Variants in NEB observed in about 807,000 individuals in gnomAD.
NEB encodes nemaline myopathy type 2.
In NEB, 512 loss-of-function variants were observed where a neutral mutation model predicts 952.2. That is an observed-to-expected ratio of 0.54 (90% CI 0.50 to 0.58). The LOEUF (loss-of-function observed/expected upper bound fraction) is 0.58, where lower values mean the gene tolerates loss of function less well. Ranked by LOEUF, NEB falls within the 20% of genes least tolerant of loss-of-function variation. The pLI is 0.00. For missense variants in NEB, 8,428 were observed against 9,231.1 expected (o/e 0.91, Z 3.56); for synonymous variants, 2,900 against 3,149.8 (o/e 0.92, Z 2.66).
chr2:151,655,315 T>G lies in NEB; in HGVS notation c.6762A>C (p.Thr2254=), dbSNP rs563192073. The G allele has an allele frequency of 2.5e-6, 4 of 1,601,436 alleles. No individual in the cohort carries two copies. In the South Asian group the frequency reaches 4.4e-5, roughly 18 times the overall value. Residue 2254 remains threonine (T), a synonymous_variant, in exon 51 of 182, where the codon ACA becomes ACC. Coordinates refer to ENST00000397345, the MANE Select transcript of NEB (RefSeq NM_001164508.2). The part of the protein sequence containing the change: ...DKTKIHVMPD[T]PDILQAKQNQ... ...TCTGCTTGGCTTGTAAAATATCTGG[T>G]GTATCAGGCATCACATGAATCTTGG...
intron 160 of NEB, 24 bp from the exon 161 acceptor site, chr2:151,512,861 G>C: frequency 6.6e-7 from 1 of 1,522,588 alleles, no homozygotes; most frequent in Non-Finnish European, 9.1e-7. Flanking sequence ...CCGAATAGTT[G>C]GGTAAATGTT....
Position 151,617,367 on chromosome 2 carries a change from A to G in NEB, c.11178T>C (p.Ser3726=). Reference sequence around the variant, plus strand: ...ACAAGATCAACAGTTTACTTACATCACTGTAGTTTATTCGGTTGAGTTTGG... The same window carrying G: ...ACAAGATCAACAGTTTACTTACATCGCTGTAGTTTATTCGGTTGAGTTTGG... ...MLAKLNRINY[S]DKLYKLALEE... is the part of the protein sequence containing the mutation. Residue 3726 remains serine, a synonymous_variant, in exon 75 of 182, where the codon AGT becomes AGC. Transcript: ENST00000397345. The G allele has an allele frequency of 6.5e-7, 1 of 1,543,428 alleles. No homozygotes were observed. Among genetic ancestry groups the G allele is most frequent in the Non-Finnish European group, 8.8e-7 (1 of 1,135,212 alleles).
intron 106 of NEB, 36 bp from the exon 107 acceptor site, chr2:151,575,835 C>T: frequency 7.2e-7 from 1 of 1,392,742 alleles, no homozygotes; most frequent in Admixed American, 1.7e-5. Flanking sequence ...AATTACTTCA[C>T]AATTTTCATG....
chr2:151,658,440 A>G (rs1198051297), intron 47 of NEB, among the ~76,000 whole-genome samples: 2 of 152,154 alleles, frequency 1.3e-5, no homozygotes, highest in East Asian at 3.8e-4. Context: ...AAAAGAAAAC[A>G]TCTCTGTTTT....
chr2:151,612,033 C>A, intron 78 of NEB, among the ~76,000 whole-genome samples, 153 bp downstream of exon 78: 1 of 152,228 alleles, frequency 6.6e-6, no homozygotes, highest in Middle Eastern at 3.4e-3. Context: ...GAAGAGCACA[C>A]CTTGAATTCA....
chr2:151,679,851 G>C, intron 31 of NEB, 23 bp from the exon 32 acceptor site: 1 of 1,610,514 alleles, frequency 6.2e-7, no homozygotes, highest in South Asian at 1.1e-5. Flanking sequence ...TGTCATTTAA[G>C]TACAACTTAG....
In NEB at chr2:151,497,665, C is replaced by T; in HGVS notation, c.24261G>A (p.Glu8087=). ...CTTGATTGTGTTTGACTCTTTCCAT[C>T]TCGGGAGTGACAGGTAAAGGGGTTC... ...GKGTPLPVTP[E]MERVKHNQEN... The change falls in exon 171 of 182, where the codon GAG becomes GAA. Residue 8087 remains glutamate, a synonymous_variant. Coordinates refer to ENST00000397345, the MANE Select transcript of NEB (RefSeq NM_001164508.2). 6.3e-7 allele frequency: 1 copy of T among 1,585,756 alleles called. No homozygotes were observed.
Position 151,537,990 on chromosome 2 carries a change from C to T in NEB, c.20998-14G>A. 1 of 1,601,112 alleles carries T rather than the reference C, an allele frequency of 6.2e-7. No homozygotes were observed. The highest frequency in any genetic ancestry group is 8.6e-7 in the Non-Finnish European group (1 of 1,169,176). ...CTTGTATTTTATCTGTTATAAAAAA[C>T]ACAAAGACAGCTGTAAGTCTTACCC... On this transcript the variant is annotated splice_polypyrimidine_tract_variant and intron_variant, in intron 139 of 181. Coordinates refer to ENST00000397345, the MANE Select transcript of NEB (RefSeq NM_001164508.2).
chr2:151,644,166 T>G, intron 56 of NEB, 37 bp from the exon 57 acceptor site: 3 of 1,599,772 alleles, frequency 1.9e-6, no homozygotes, highest in Non-Finnish European at 2.6e-6. Context: ...CTTTCAAAAT[T>G]TACTTCTGTT....
At chr2:151,513,792 G>T in intron 159 of NEB, 99 bp from the exon 160 acceptor site, 1 of 815,090 alleles carries the variant, frequency 1.2e-6, no homozygotes, top group Non-Finnish European at 2.0e-6. Flanking sequence ...CGCCACCCCA[G>T]TTGTCACAGA....
At chr2:151,657,055 T>C (rs1380900581) in intron 48 of NEB, among the ~76,000 whole-genome samples, 1 of 152,182 alleles carries the variant, frequency 6.6e-6, no homozygotes, top group African/African-American at 2.4e-5. Flanking sequence ...ATCCCAACTT[T>C]CTTCTACAGA....
chr2:151,666,270 G>A lies in NEB; in HGVS notation c.4851C>T (p.Gly1617=), dbSNP rs2099215954. ...KIQSDREYKK[G]YEASKTKYHT... is the part of the protein sequence containing the mutation. Reference sequence around the variant, plus strand: ...GGTACTTGGTCTTGCTGGCTTCATAGCCCTTTTTGTACTCACGATCAGACT... The same window carrying A: ...GGTACTTGGTCTTGCTGGCTTCATAACCCTTTTTGTACTCACGATCAGACT... Residue 1617 remains glycine (G), a synonymous_variant, in exon 41 of 182, where the codon GGC becomes GGT. Transcript: ENST00000397345. 1.2e-6 allele frequency: 2 copies of A among 1,613,780 alleles called. No individual in the cohort carries two copies. Among genetic ancestry groups the A allele is most frequent in the Non-Finnish European group, 1.7e-6 (2 of 1,179,880 alleles).
At chr2:151,492,013 T>C in intron 178 of NEB, 85 bp downstream of exon 178, 1 of 1,390,184 alleles carries the variant, frequency 7.2e-7, no homozygotes, top group African/African-American at 1.4e-5. Context: ...TCCTTTATGT[T>C]TTGACTTGAT....
chr2:151,608,895 C>A, intron 81 of NEB, among the ~76,000 whole-genome samples: 1 of 65,922 alleles, frequency 1.5e-5, no homozygotes, highest in Admixed American at 2.2e-4. Flanking sequence ...AAGAGCAAAC[C>A]TCCGTCTCAC....
At chr2:151,666,809 T>A (rs1218116191) in intron 40 of NEB, among the ~76,000 whole-genome samples, 1 of 152,050 alleles carries the variant, frequency 6.6e-6, no homozygotes, top group Non-Finnish European at 1.5e-5. Flanking sequence ...GGGCCCTCCC[T>A]CCTCAGCTTC....
chr2:151,541,940 A>G (rs752425545), intron 135 of NEB, among the ~76,000 whole-genome samples: 1 of 152,084 alleles, frequency 6.6e-6, no homozygotes, highest in Non-Finnish European at 1.5e-5. Flanking sequence ...AGCCTTTTCC[A>G]GTCTCTAGCC....
chr2:151,488,168 TTAG>T (rs2052678649), intron 181 of NEB, among the ~76,000 whole-genome samples: 2 of 152,138 alleles, frequency 1.3e-5, no homozygotes, highest in South Asian at 4.1e-4. Context: ...TCAGTGAATT[TTAG>T]AGTTCTTTAT....
intron 34 of NEB, among the ~76,000 whole-genome samples, chr2:151,677,301 T>C (rs1220691316): frequency 1.3e-5 from 2 of 152,180 alleles, no homozygotes; most frequent in African/African-American, 4.8e-5. Context: ...AATAGAATTT[T>C]TTCACCATGT....
intron 153 of NEB, chr2:151,520,039 CAAAA>C (rs5835369): frequency 2.3e-4 from 37 of 159,024 alleles, no homozygotes; most frequent in South Asian, 4.2e-4. Context: ...TAATGCAAAA[CAAAA>C]AAAAAAAAAA....
Sources: gnomAD v4.1 joint callset for allele counts (sites outside exome capture counted in the v4.1 genomes callset) on GRCh38, gnomAD v4.1.1 for gene constraint, MANE v1.5 for transcripts, NCBI Gene and HGNC (gene_info 2026-07-23, HGNC 2026-07-21) for gene names.